Variants in CCDC3 observed in about 807,000 individuals in gnomAD.
CCDC3 encodes coiled-coil domain-containing protein 3.
A neutral mutation model predicts 21.4 loss-of-function variants in CCDC3; 24 were observed. The observed-to-expected ratio is 1.12, with a 90% CI of 0.81 to 1.58. The LOEUF (loss-of-function observed/expected upper bound fraction) is 1.58. CCDC3 is among the 40% of genes most tolerant of loss of function. CCDC3 has a pLI of 0.00. For synonymous variants in CCDC3, 186 were observed against 166.0 expected, an observed-to-expected ratio of 1.12 and a Z score of -0.93; for missense variants, 425 against 360.9, an observed-to-expected ratio of 1.18 and a Z score of -1.44.
intron 2 of CCDC3, among the ~76,000 whole-genome samples, chr10:12,988,284 TTC>T (rs1395160848): frequency 6.6e-6 from 1 of 152,170 alleles, no homozygotes; most frequent in Non-Finnish European, 1.5e-5. Flanking sequence ...GTATGGCTGG[TTC>T]TGTGTCCTTC....
At chr10:12,990,018 C>T (rs961306908) in intron 2 of CCDC3, among the ~76,000 whole-genome samples, 4 of 151,824 alleles carry the variant, frequency 2.6e-5, no homozygotes, top group Non-Finnish European at 4.4e-5. Context: ...TTTGGGAGGC[C>T]GAGGCGGGCA....
chr10:12,992,161 G>T (rs1835692049), intron 2 of CCDC3, among the ~76,000 whole-genome samples: 1 of 152,090 alleles, frequency 6.6e-6, no homozygotes, highest in East Asian at 1.9e-4. Flanking sequence ...AGGCTGAGGT[G>T]GGTAGATCAC....
intron 2 of CCDC3, among the ~76,000 whole-genome samples, chr10:12,995,522 G>T (rs978272991): frequency 6.6e-6 from 1 of 152,218 alleles, no homozygotes; most frequent in African/African-American, 2.4e-5. Context: ...GAATACAGGC[G>T]TGAGCCACTG....
intron 2 of CCDC3, among the ~76,000 whole-genome samples, chr10:12,919,397 C>T (rs981748849): frequency 6.6e-6 from 1 of 152,056 alleles, no homozygotes; most frequent in African/African-American, 2.4e-5. Flanking sequence ...TGCCATCAGC[C>T]TGGCCAACAT....
chr10:13,090,963 G>C (rs1832559305), intron 3 of CCDC3, among the ~76,000 whole-genome samples: 2 of 152,192 alleles, frequency 1.3e-5, no homozygotes, highest in African/African-American at 4.8e-5. Context: ...AAAAGCCTGA[G>C]AGCCCCCAGC....
At chr10:13,022,224 C>G (rs576942342) in intron 5 of CCDC3, among the ~76,000 whole-genome samples, 1 of 152,304 alleles carries the variant, frequency 6.6e-6, no homozygotes, top group East Asian at 1.9e-4. Flanking sequence ...TATGCAGAAG[C>G]TATCTTCTCA....
intron 4 of CCDC3, among the ~76,000 whole-genome samples, chr10:13,056,433 ATGG>A (rs200166061): frequency 0.014 from 2,099 of 152,338 alleles, 43 homozygotes; most frequent in African/African-American, 0.048. Flanking sequence ...CAAGTTCGTG[ATGG>A]ACTAGCAGTC....
At chr10:13,072,501 T>C (rs1435082215) in intron 4 of CCDC3, among the ~76,000 whole-genome samples, 2 of 152,140 alleles carry the variant, frequency 1.3e-5, no homozygotes. Flanking sequence ...TCTGTACAGA[T>C]GAGGGAACAT....
chr10:13,066,748 C>T (rs545519887), intron 4 of CCDC3, among the ~76,000 whole-genome samples: 5 of 152,098 alleles, frequency 3.3e-5, no homozygotes, highest in Non-Finnish European at 2.9e-5. Flanking sequence ...ACTGGGGGAA[C>T]GGGGTGGAGC....
At chr10:12,930,933 G>A (rs932722290) in intron 2 of CCDC3, among the ~76,000 whole-genome samples, 2 of 152,148 alleles carry the variant, frequency 1.3e-5, no homozygotes, top group East Asian at 1.9e-4. Flanking sequence ...TTACTTGGCC[G>A]GGTGTAGTGG....
chr10:12,970,584 A>T (rs1835327078), intron 2 of CCDC3, among the ~76,000 whole-genome samples: 1 of 152,212 alleles, frequency 6.6e-6, no homozygotes, highest in Non-Finnish European at 1.5e-5. Context: ...TAAATAAATT[A>T]AAAGTCAGTC....
intron 2 of CCDC3, among the ~76,000 whole-genome samples, chr10:12,931,714 A>G (rs916607619): frequency 6.6e-5 from 10 of 152,208 alleles, no homozygotes; most frequent in African/African-American, 2.2e-4. Flanking sequence ...TTCTGCTTAA[A>G]ATATGTAGAC....
intron 2 of CCDC3, among the ~76,000 whole-genome samples, chr10:12,993,601 C>T (rs927609760): frequency 6.6e-6 from 1 of 152,082 alleles, no homozygotes; most frequent in Non-Finnish European, 1.5e-5. Flanking sequence ...TTGCACTTGT[C>T]CAGCAAGAGA....
At chr10:13,024,248 G>A (rs1278746677) in intron 5 of CCDC3, among the ~76,000 whole-genome samples, 2 of 151,554 alleles carry the variant, frequency 1.3e-5, no homozygotes, top group Admixed American at 1.3e-4. Flanking sequence ...AGTCCAGGCT[G>A]ATATAATTTT....
At chr10:12,949,833 G>C (rs769263936) in intron 2 of CCDC3, among the ~76,000 whole-genome samples, 8 of 152,154 alleles carry the variant, frequency 5.3e-5, no homozygotes, top group South Asian at 2.1e-4. Flanking sequence ...AATGGTAATG[G>C]GTGCAGAGAC....
At chr10:13,086,231 T>C (rs888847614) in intron 3 of CCDC3, among the ~76,000 whole-genome samples, 3 of 152,196 alleles carry the variant, frequency 2.0e-5, no homozygotes, top group Non-Finnish European at 4.4e-5. Flanking sequence ...TAGCTTTTAC[T>C]TGGTAAATAC....
intron 5 of CCDC3, among the ~76,000 whole-genome samples, chr10:13,012,036 C>G (rs1402697195): frequency 6.6e-6 from 1 of 152,118 alleles, no homozygotes; most frequent in Non-Finnish European, 1.5e-5. Flanking sequence ...ACGCCATACA[C>G]AAAAATCAAC....
intron 2 of CCDC3, among the ~76,000 whole-genome samples, chr10:12,903,055 A>G (rs947696942): frequency 6.6e-6 from 1 of 152,212 alleles, no homozygotes; most frequent in Non-Finnish European, 1.5e-5. Context: ...GTAGGGTTTC[A>G]GTAGGAGCAA....
Position 13,079,235 on chromosome 10 carries a change from C to T in CCDC3, c.-502-5135G>A, listed in dbSNP as rs543672252. ...GCACATATGGGGATACATTCCCCTC[C>T]GGGGGTGGTCTCTAGTCCTCTCTCA... On this transcript the variant is annotated intron_variant, in intron 3 of 6. Coordinates refer to the CCDC3 transcript ENST00000378839. 4.5e-4 allele frequency among the ~76,000 whole-genome samples: 67 copies of T among 148,730 alleles called. 1 individual carries two copies. In the South Asian group the frequency reaches 8.9e-3, roughly 20 times the overall value.
Sources: gnomAD v4.1 joint callset for allele counts (sites outside exome capture counted in the v4.1 genomes callset) on GRCh38, gnomAD v4.1.1 for gene constraint, MANE v1.5 for transcripts, NCBI Gene and HGNC (gene_info 2026-07-23, HGNC 2026-07-21) for gene names.